Variants in GPT2 observed in about 807,000 individuals in gnomAD.
GPT2 encodes glutamic--pyruvic transaminase 2, also known as alanine aminotransferase 2.
In GPT2, 30 loss-of-function variants were observed where a neutral mutation model predicts 56.9. That is an observed-to-expected ratio of 0.53 (90% confidence interval 0.39 to 0.72). The LOEUF is 0.72. Among genes scored for constraint, GPT2 ranks in the 30% least tolerant of loss-of-function variants. The probability of loss-of-function intolerance (pLI) is 0.00; values close to 1 mark genes in which losing one functional copy is unlikely to be tolerated. For missense variants in GPT2, 542 were observed against 703.4 expected, an observed-to-expected ratio of 0.77 and a Z score of 2.60; for synonymous variants, 271 against 283.1, an observed-to-expected ratio of 0.96 and a Z score of 0.43.
At chr16:46,909,981 C>G in intron 6 of GPT2, 54 bp downstream of exon 6, 2 of 1,525,302 alleles carry the variant, frequency 1.3e-6, no homozygotes, top group South Asian at 1.3e-5. Context: ...GGCTGATACA[C>G]TGGCTGTCTA....
intron 2 of GPT2, 105 bp downstream of exon 2, chr16:46,885,063 C>T: frequency 1.5e-6 from 2 of 1,355,894 alleles, no homozygotes; most frequent in Admixed American, 6.9e-5. Flanking sequence ...CCATGGCCAG[C>T]TCCTCAGTCA....
chr16:46,888,759 C>T (rs1014718714), intron 2 of GPT2, among the ~76,000 whole-genome samples: 3 of 151,060 alleles, frequency 2.0e-5, no homozygotes, highest in Non-Finnish European at 4.4e-5. Flanking sequence ...AAGCCATCCT[C>T]CTACCTCAGT....
chr16:46,911,098 A>T (rs1961038779), intron 6 of GPT2, among the ~76,000 whole-genome samples: 1 of 152,134 alleles, frequency 6.6e-6, no homozygotes, highest in Non-Finnish European at 1.5e-5. Flanking sequence ...ACTGCTGTGT[A>T]CCTTTAAGGC....
At chr16:46,891,394 C>T (rs1252393867) in intron 2 of GPT2, among the ~76,000 whole-genome samples, 1 of 151,670 alleles carries the variant, frequency 6.6e-6, no homozygotes, top group Non-Finnish European at 1.5e-5. Context: ...AGGCACCTGC[C>T]ACCACACCAG....
intron 2 of GPT2, among the ~76,000 whole-genome samples, chr16:46,894,240 T>A (rs963238427): frequency 1.3e-5 from 2 of 152,186 alleles, no homozygotes; most frequent in Non-Finnish European, 2.9e-5. Context: ...CATTCAGGGC[T>A]CTGTTCCAGG....
chr16:46,899,000 T>C (rs58821850), intron 3 of GPT2, among the ~76,000 whole-genome samples: 141 of 2,152 alleles, frequency 0.066, 4 homozygotes, highest in South Asian at 0.38. Context: ...ATAACACACA[T>C]ATATATATAT....
chr16:46,909,694 A>AG lies in GPT2; in HGVS notation c.588dup (p.Ile197AspfsTer29). Reference sequence around the variant, plus strand: ...AATTCTCTGTTGCAGACGATCCTGAAGATCCTCGTCTCCGGGGGCGGCAAG... The same window carrying AG: ...AATTCTCTGTTGCAGACGATCCTGAAGGATCCTCGTCTCCGGGGGCGGCAAG... On this transcript the variant is annotated frameshift_variant, in exon 6 of 12. Coordinates refer to ENST00000340124, the MANE Select transcript of GPT2 (RefSeq NM_133443.4). LOFTEE classifies it high-confidence loss of function. The AG allele has an allele frequency of 6.2e-7, 1 of 1,613,538 alleles. No individual in the cohort carries two copies. The highest frequency in any genetic ancestry group is 8.5e-7 in the Non-Finnish European group (1 of 1,179,550).
At chr16:46,923,587 C>G (rs1039854754) in intron 9 of GPT2, among the ~76,000 whole-genome samples, 1 of 152,250 alleles carries the variant, frequency 6.6e-6, no homozygotes, top group Non-Finnish European at 1.5e-5. Flanking sequence ...ATGCTCCCCA[C>G]GTGGACAGGC....
chr16:46,927,351 G>A (rs546964580), intron 11 of GPT2, among the ~76,000 whole-genome samples: 70 of 152,318 alleles, frequency 4.6e-4, no homozygotes, highest in South Asian at 1.9e-3. Flanking sequence ...TTTGCTGTCC[G>A]TTTTCAACTC....
intron 3 of GPT2, among the ~76,000 whole-genome samples, chr16:46,898,871 CATAT>C (rs35282958): frequency 7.2e-6 from 1 of 138,822 alleles, no homozygotes; most frequent in Non-Finnish European, 1.6e-5. Context: ...TATTTATATA[CATAT>C]ATATATATAT....
chr16:46,907,096 C>T, intron 5 of GPT2, 121 bp downstream of exon 5: 1 of 1,315,950 alleles, frequency 7.6e-7, no homozygotes, highest in Non-Finnish European at 1.1e-6. Context: ...TGGCCACCCT[C>T]TGGTCCCCCA....
rs1960445972 is a variant in GPT2, at chr16:46,884,681, C to G, written c.-22-13C>G. 1 of 1,367,112 alleles carries G rather than the reference C, an allele frequency of 7.3e-7. No individual in the cohort carries two copies. The highest frequency in any genetic ancestry group is 2.3e-5 in the South Asian group (1 of 43,950). 84.7% of individuals were successfully genotyped at this position (1,367,112 alleles called of 1,614,324 possible). ...TGCGCGACGTGTTTGTTCTTTTTCT[C>G]TTTTTGTGCCAGGGTTTCTCTCCGC... On this transcript the variant is annotated splice_polypyrimidine_tract_variant and intron_variant, in intron 1 of 11. Transcript: ENST00000340124.
intron 4 of GPT2, 104 bp downstream of exon 4, chr16:46,900,894 G>C (rs1032491744): frequency 9.6e-6 from 8 of 830,800 alleles, no homozygotes; most frequent in Admixed American, 4.3e-5. Flanking sequence ...GTGTGTGAAC[G>C]TGTGTGGGTG....
intron 5 of GPT2, 149 bp downstream of exon 5, chr16:46,907,124 T>C: frequency 4.1e-6 from 4 of 975,026 alleles, no homozygotes; most frequent in Non-Finnish European, 6.2e-6. Flanking sequence ...CAGCCTGCAG[T>C]CTTTGCCTCT....
In GPT2 at chr16:46,906,836, T is replaced by C; in HGVS notation, c.443-6T>C. On this transcript the variant is annotated splice_region_variant and splice_polypyrimidine_tract_variant and intron_variant, in intron 4 of 11. Coordinates refer to ENST00000340124, the MANE Select transcript of GPT2 (RefSeq NM_133443.4). Reference sequence around the variant, plus strand: ...CTCTGTTACTGTCTTGCCTGCTGTCTTACAGGGTCCTACAGTGCTAGCCAG... The same window carrying C: ...CTCTGTTACTGTCTTGCCTGCTGTCCTACAGGGTCCTACAGTGCTAGCCAG... The C allele has an allele frequency of 6.2e-7, 1 of 1,614,132 alleles. No individual in the cohort carries two copies. The highest frequency in any genetic ancestry group is 8.5e-7 in the Non-Finnish European group (1 of 1,179,972).
chr16:46,895,211 TTTG>T (rs199592577), intron 2 of GPT2, among the ~76,000 whole-genome samples: 15 of 152,000 alleles, frequency 9.9e-5, no homozygotes, highest in African/African-American at 2.4e-4. Context: ...AGCCTGCTGG[TTTG>T]TTGTTGTTGT....
At chr16:46,918,789 TG>T (rs755155442) in intron 8 of GPT2, 32 bp downstream of exon 8, 2 of 1,610,726 alleles carry the variant, frequency 1.2e-6, no homozygotes, top group African/African-American at 2.7e-5. Context: ...CTGCCACTGC[TG>T]GGCCTGCCAG....
intron 7 of GPT2, among the ~76,000 whole-genome samples, chr16:46,917,757 C>T (rs1326096290): frequency 1.3e-5 from 2 of 152,040 alleles, no homozygotes; most frequent in East Asian, 1.9e-4. Context: ...CACAGACACA[C>T]GTACATAGAC....
At chr16:46,907,860 C>G (rs893311569) in intron 5 of GPT2, among the ~76,000 whole-genome samples, 1 of 152,044 alleles carries the variant, frequency 6.6e-6, no homozygotes. Flanking sequence ...GGTCAGCTAC[C>G]GATGGGGTCG....
Sources: gnomAD v4.1 joint callset for allele counts (sites outside exome capture counted in the v4.1 genomes callset) on GRCh38, gnomAD v4.1.1 for gene constraint, MANE v1.5 for transcripts, NCBI Gene and HGNC (gene_info 2026-07-23, HGNC 2026-07-21) for gene names.